Variants in PDZD8 observed in about 807,000 individuals in gnomAD.
PDZD8 encodes the protein PDZ domain containing 8, also known as PDZ domain-containing protein 8.
In PDZD8, 14 loss-of-function variants were observed where a neutral mutation model predicts 85.8. The ratio of observed to expected loss-of-function variants is 0.16; its 90% confidence interval spans 0.11 to 0.26. PDZD8 has a LOEUF of 0.26. Among genes scored for constraint, PDZD8 ranks in the 10% least tolerant of loss-of-function variants. PDZD8 has a pLI of 1.00. For synonymous variants in PDZD8, 592 were observed against 568.6 expected, an observed-to-expected ratio of 1.04 and a Z score of -0.59; for missense variants, 1,197 against 1,424.3, an observed-to-expected ratio of 0.84 and a Z score of 2.57.
intron 3 of PDZD8, among the ~76,000 whole-genome samples, chr10:117,295,604 T>C (rs369081933): frequency 6.6e-6 from 1 of 152,072 alleles, no homozygotes; most frequent in Non-Finnish European, 1.5e-5. Flanking sequence ...AACAGAAGTA[T>C]AGACTAATCT....
At chr10:117,289,937 T>C (rs1463847858) in intron 4 of PDZD8, among the ~76,000 whole-genome samples, 2 of 152,202 alleles carry the variant, frequency 1.3e-5, no homozygotes, top group East Asian at 1.9e-4. Context: ...AGAGTGGTTA[T>C]ATAAAAGTGG....
chr10:117,372,218 T>C (rs917510609), intron 1 of PDZD8, among the ~76,000 whole-genome samples: 4 of 152,228 alleles, frequency 2.6e-5, no homozygotes, highest in East Asian at 1.9e-4. Context: ...CATTTAGAAG[T>C]TGAAATATCA....
intron 1 of PDZD8, among the ~76,000 whole-genome samples, chr10:117,367,151 C>G (rs61865312): frequency 6.6e-6 from 1 of 152,084 alleles, no homozygotes; most frequent in Admixed American, 6.5e-5. Context: ...TGAATCACAC[C>G]TGTAATCCCA....
intron 2 of PDZD8, among the ~76,000 whole-genome samples, chr10:117,332,868 A>T (rs1844444369): frequency 6.6e-6 from 1 of 150,470 alleles, no homozygotes; most frequent in Non-Finnish European, 1.5e-5. Flanking sequence ...CTGTAATCCC[A>T]GCACTTTGGG....
At position 117,330,614 on chromosome 10, in the gene PDZD8, G is replaced by A. The variant is rs374793783; in HGVS notation, c.995+10366C>T. Among the ~76,000 whole-genome samples, 9 of 152,158 alleles carry A rather than the reference G, an allele frequency of 5.9e-5. No homozygotes were observed. The South Asian group carries it at 1.5e-3, about 25-fold the overall frequency. ...CTAAACCCTGTCCTAGTTATCCCAC[G>A]TGTCCCTTCCTTCTTGTTCCTATTA... is the stretch of plus-strand genomic sequence containing the variant. On this transcript the variant is annotated intron_variant, in intron 2 of 4. Transcript: ENST00000334464.
intron 1 of PDZD8, among the ~76,000 whole-genome samples, chr10:117,350,092 T>G (rs1054442250): frequency 1.3e-5 from 2 of 152,104 alleles, no homozygotes; most frequent in African/African-American, 4.8e-5. Context: ...TTAACTTAAT[T>G]CCCAAAACAA....
chr10:117,309,802 T>A (rs1166419167), intron 3 of PDZD8, among the ~76,000 whole-genome samples: 1 of 152,156 alleles, frequency 6.6e-6, no homozygotes, highest in African/African-American at 2.4e-5. Flanking sequence ...TTAACCCTCA[T>A]ACAACCATAA....
intron 2 of PDZD8, among the ~76,000 whole-genome samples, chr10:117,329,726 C>T (rs1371157781): frequency 6.6e-6 from 1 of 151,612 alleles, no homozygotes; most frequent in Admixed American, 6.6e-5. Context: ...TAGGTGAATA[C>T]CTTGAGGCCA....
At chr10:117,286,610 C>T (rs1311390310) in intron 4 of PDZD8, among the ~76,000 whole-genome samples, 3 of 152,160 alleles carry the variant, frequency 2.0e-5, no homozygotes, top group African/African-American at 7.2e-5. Flanking sequence ...AGTCTCTGAT[C>T]ACAAGCTCCT....
intron 1 of PDZD8, among the ~76,000 whole-genome samples, chr10:117,361,101 C>A (rs1281944098): frequency 6.6e-6 from 1 of 152,098 alleles, no homozygotes; most frequent in East Asian, 1.9e-4. Context: ...TGCGAGAGAA[C>A]AAGGGTGAGA....
intron 4 of PDZD8, among the ~76,000 whole-genome samples, chr10:117,289,305 A>C (rs1844717733): frequency 6.6e-6 from 1 of 152,238 alleles, no homozygotes; most frequent in South Asian, 2.1e-4. Context: ...AATCAAAGGC[A>C]GAGTTTCTTT....
At chr10:117,288,317 C>A (rs1257118826) in intron 4 of PDZD8, among the ~76,000 whole-genome samples, 1 of 151,342 alleles carries the variant, frequency 6.6e-6, no homozygotes, top group Non-Finnish European at 1.5e-5. Context: ...AAGACTATTA[C>A]AAAAATGCAT....
chr10:117,331,981 G>A (rs1280835706), intron 2 of PDZD8, among the ~76,000 whole-genome samples: 1 of 152,134 alleles, frequency 6.6e-6, no homozygotes, highest in Non-Finnish European at 1.5e-5. Flanking sequence ...CTTTATATCT[G>A]AGAGAAATGT....
intron 3 of PDZD8, among the ~76,000 whole-genome samples, chr10:117,302,726 G>A (rs1843867737): frequency 6.6e-6 from 1 of 152,162 alleles, no homozygotes; most frequent in Non-Finnish European, 1.5e-5. Flanking sequence ...CCAGGGGGGC[G>A]TAATTGAATC....
At position 117,348,735 on chromosome 10, in the gene PDZD8, C is replaced by A. The variant is rs187770882; in HGVS notation, c.873-7633G>T. 2.0e-3 allele frequency among the ~76,000 whole-genome samples: 299 copies of A among 152,248 alleles called. 1 individual carries two copies. The highest frequency in any genetic ancestry group is 6.9e-3 in the African/African-American group (285 of 41,538). On this transcript the variant is annotated intron_variant, in intron 1 of 4. Coordinates refer to ENST00000334464, the MANE Select transcript of PDZD8 (RefSeq NM_173791.5). ...GATTACCTTGGTAAAAGCCCTATCC[C>A]AAACAGAGTTACACCGAGGGTTGCA... is the stretch of plus-strand genomic sequence containing the variant.
At position 117,285,070 on chromosome 10, in the gene PDZD8, T is replaced by C; in HGVS notation, c.1663A>G (p.Lys555Glu). 1 of 1,614,044 alleles carries C rather than the reference T, an allele frequency of 6.2e-7. No individual in the cohort carries two copies. The highest frequency in any genetic ancestry group is 8.5e-7 in the Non-Finnish European group (1 of 1,179,896). Residue 555 changes from lysine (K) to glutamate (E), a missense_variant, in exon 5 of 5, where the codon AAA (lysine) becomes GAA (glutamate). By Grantham distance (56) the Lys-to-Glu change is moderately conservative (BLOSUM62 1). Around this residue, in one of 4 missense-constraint regions of PDZD8, gnomAD observed 263 missense variants for 261.9 expected, o/e 1.00. Transcript: ENST00000334464. ...LAVGSHPLPP[K>E]IQSKDGNKPP... ...TTATTTCCATCTTTGGACTGAATTT[T>C]CGGTGGTAGTGGGTGACTTCCTACA...
intron 4 of PDZD8, among the ~76,000 whole-genome samples, chr10:117,289,265 T>G (rs1844717155): frequency 6.6e-6 from 1 of 152,204 alleles, no homozygotes; most frequent in Admixed American, 6.5e-5. Flanking sequence ...ACTAAATAAT[T>G]TTCATTATTT....
chr10:117,305,928 T>C (rs539578585), intron 3 of PDZD8, among the ~76,000 whole-genome samples: 4 of 152,292 alleles, frequency 2.6e-5, no homozygotes, highest in South Asian at 2.1e-4. Context: ...AGACAAGTGA[T>C]TTAGCCCCTG....
In PDZD8 at chr10:117,305,121, A is replaced by G. The variant is rs1589553541; in HGVS notation, c.1098+13751T>C. 2.0e-5 allele frequency among the ~76,000 whole-genome samples: 3 copies of G among 152,154 alleles called. No homozygotes were observed. In the South Asian group the frequency reaches 6.2e-4, roughly 32 times the overall value. On this transcript the variant is annotated intron_variant, in intron 3 of 4. Transcript: ENST00000334464. ...ATATGGCAGCAACTGTATAATAAAAAAGTATTCTTGGCTGGGCATGGTGGC... is the reference window on the plus strand; with the variant it reads ...ATATGGCAGCAACTGTATAATAAAAGAGTATTCTTGGCTGGGCATGGTGGC...
Sources: gnomAD v4.1 joint callset for allele counts (sites outside exome capture counted in the v4.1 genomes callset) on GRCh38, gnomAD v4.1.1 for gene constraint, gnomAD v4.1.1 regional missense constraint, MANE v1.5 for transcripts, NCBI Gene and HGNC (gene_info 2026-07-23, HGNC 2026-07-21) for gene names.